The following BAZ2B variants were observed in gnomAD, a reference collection of about 807,000 sequenced individuals.
The protein encoded by BAZ2B is bromodomain adjacent to zinc finger domain 2B.
BAZ2B carries 91 observed loss-of-function variants against 246.0 expected under a neutral mutation model. The ratio of observed to expected loss-of-function variants is 0.37; its 90% CI spans 0.31 to 0.44. The LOEUF is 0.44. BAZ2B is among the 20% of genes least tolerant of loss of function. BAZ2B has a pLI of 1.00. For synonymous variants in BAZ2B, 855 were observed against 860.0 expected (o/e 0.99, Z 0.10); for missense variants, 2,332 against 2,533.7 (o/e 0.92, Z 1.71).
chr2:159,527,210 G>C (rs1263922187), intron 2 of BAZ2B, among the ~76,000 whole-genome samples: 3 of 152,124 alleles, frequency 2.0e-5, no homozygotes, highest in Admixed American at 6.6e-5. Flanking sequence ...CTGACGGCTA[G>C]TGATGCTGAA....
At chr2:159,404,156 T>C (rs1019637268) in intron 16 of BAZ2B, among the ~76,000 whole-genome samples, 2 of 152,162 alleles carry the variant, frequency 1.3e-5, no homozygotes, top group Non-Finnish European at 2.9e-5. Context: ...CCCCATTTCC[T>C]TTCTGCTTTA....
At chr2:159,421,444 G>T (rs963167834) in intron 13 of BAZ2B, among the ~76,000 whole-genome samples, 20 of 151,786 alleles carry the variant, frequency 1.3e-4, no homozygotes, top group South Asian at 6.2e-4. Flanking sequence ...CAAAGTGTTG[G>T]GATTACAGGT....
chr2:159,636,263 ATT>A, the BAZ2B span, among the ~76,000 whole-genome samples: 790 of 152,296 alleles, frequency 5.2e-3, 12 homozygotes, highest in African/African-American at 0.018. Context: ...TGAAAGACGC[ATT>A]GAGGAGGGCA....
rs541549474 is a variant in BAZ2B, at chr2:159,385,540, T to C, written c.3472-171A>G. 4.6e-5 allele frequency among the ~76,000 whole-genome samples: 7 copies of C among 152,154 alleles called. No homozygotes were observed. The South Asian group carries it at 1.4e-3, about 32-fold the overall frequency. ...ATAGTCAATAGAAGACAGACAAATA[T>C]TCAAGTATTTGTTTCTTTCTTTCCC... is the stretch of plus-strand genomic sequence containing the variant. On this transcript the variant is annotated intron_variant, in intron 22 of 36. Coordinates refer to ENST00000392783, the MANE Select transcript of BAZ2B (RefSeq NM_013450.4).
chr2:159,481,898 T>G (rs1326480208), intron 2 of BAZ2B, among the ~76,000 whole-genome samples: 1 of 151,982 alleles, frequency 6.6e-6, no homozygotes, highest in Non-Finnish European at 1.5e-5. Flanking sequence ...GATCCTAAGT[T>G]GGATTTTAGA....
chr2:159,581,379 C>T (rs1686739716), intron 1 of BAZ2B, among the ~76,000 whole-genome samples: 1 of 152,202 alleles, frequency 6.6e-6, no homozygotes, highest in South Asian at 2.1e-4. Context: ...GAGATACCAT[C>T]TCATGCCAGT....
intron 2 of BAZ2B, among the ~76,000 whole-genome samples, chr2:159,496,956 A>G (rs557582110): frequency 3.3e-5 from 5 of 152,126 alleles, no homozygotes; most frequent in African/African-American, 1.2e-4. Context: ...ACTATTTTTG[A>G]GCATTAACTA....
chr2:159,560,811 G>A (rs951077543), intron 1 of BAZ2B, among the ~76,000 whole-genome samples: 6 of 152,056 alleles, frequency 3.9e-5, no homozygotes, highest in Non-Finnish European at 4.4e-5. Context: ...ACAGGCATGA[G>A]CCACCGCACC....
At chr2:159,368,519 C>T (rs536589331) in intron 27 of BAZ2B, among the ~76,000 whole-genome samples, 32 of 152,084 alleles carry the variant, frequency 2.1e-4, no homozygotes, top group Non-Finnish European at 3.5e-4. Flanking sequence ...ATACAGCAGA[C>T]GTATATTCCC....
At chr2:159,682,268 A>G in the BAZ2B span, among the ~76,000 whole-genome samples, 34 of 139,058 alleles carry the variant, frequency 2.4e-4, no homozygotes, top group East Asian at 4.2e-3. Flanking sequence ...TGTAGCCTCC[A>G]TCTCTGGGGT....
At chr2:159,529,695 A>G (rs1208692836) in intron 2 of BAZ2B, among the ~76,000 whole-genome samples, 1 of 152,146 alleles carries the variant, frequency 6.6e-6, no homozygotes, top group Admixed American at 6.5e-5. Context: ...CAACTTATTT[A>G]TCTCTTTCAC....
At chr2:159,709,716 G>C in the BAZ2B span, among the ~76,000 whole-genome samples, 2 of 152,208 alleles carry the variant, frequency 1.3e-5, no homozygotes, top group Admixed American at 6.5e-5. Context: ...TAGAAGATTA[G>C]GTTGTGGGAT....
Position 159,478,782 on chromosome 2 carries a change from A to G in BAZ2B, c.-2-61T>C, listed in dbSNP as rs566770312. On this transcript the variant is annotated intron_variant, in intron 2 of 36. Transcript: ENST00000392783. ...ATAAAAAATTTTTTCAAAAGAATTC[A>G]ACATAAACTTTTTGTATACTTTTAA... The G allele has an allele frequency of 1.9e-5, 24 of 1,292,728 alleles. 1 individual carries two copies. The East Asian group carries it at 6.5e-4, about 35-fold the overall frequency. The allele number at this position is 1,292,728 out of a possible 1,614,324, so 80.1% of individuals were successfully genotyped here.
At chr2:159,690,701 C>T in the BAZ2B span, among the ~76,000 whole-genome samples, 1 of 152,202 alleles carries the variant, frequency 6.6e-6, no homozygotes, top group East Asian at 1.9e-4. Flanking sequence ...CACAACTGTT[C>T]AACTCTGCTG....
chr2:159,667,018 C>T, the BAZ2B span, among the ~76,000 whole-genome samples: 1 of 151,940 alleles, frequency 6.6e-6, no homozygotes, highest in Non-Finnish European at 1.5e-5. Flanking sequence ...ATGGGTGCAG[C>T]AAACCACCAT....
chr2:159,695,632 A>G, the BAZ2B span, among the ~76,000 whole-genome samples: 1 of 152,184 alleles, frequency 6.6e-6, no homozygotes. Flanking sequence ...TTTGTTAGAG[A>G]GGTTTTTCTT....
chr2:159,415,922 G>A (rs1049585766), intron 13 of BAZ2B, among the ~76,000 whole-genome samples: 1 of 151,938 alleles, frequency 6.6e-6, no homozygotes, highest in African/African-American at 2.4e-5. Flanking sequence ...ATCTCATATG[G>A]TGGGTTTTAT....
intron 2 of BAZ2B, among the ~76,000 whole-genome samples, chr2:159,524,879 T>C (rs2084557624): frequency 6.6e-6 from 1 of 152,102 alleles, no homozygotes; most frequent in African/African-American, 2.4e-5. Context: ...TATAGATGAA[T>C]GGACAAAGTA....
intron 2 of BAZ2B, among the ~76,000 whole-genome samples, chr2:159,508,992 C>A (rs1238923534): frequency 2.6e-5 from 4 of 152,128 alleles, no homozygotes; most frequent in Non-Finnish European, 5.9e-5. Flanking sequence ...ATAATCCCTG[C>A]CTTTTGGCTT....
Sources: gnomAD v4.1 joint callset for allele counts (sites outside exome capture counted in the v4.1 genomes callset) on GRCh38, gnomAD v4.1.1 for gene constraint, MANE v1.5 for transcripts, NCBI Gene and HGNC (gene_info 2026-07-23, HGNC 2026-07-21) for gene names.